Variants in ZEB1 observed in about 807,000 individuals in gnomAD.
ZEB1 encodes zinc finger E-box binding homeobox 1, also known as zinc finger E-box-binding homeobox 1.
A neutral mutation model predicts 84.9 loss-of-function variants in ZEB1; 21 were observed. The ratio of observed to expected loss-of-function variants is 0.25; its 90% CI spans 0.18 to 0.36. The LOEUF (loss-of-function observed/expected upper bound fraction) is 0.36. Ranked by LOEUF, ZEB1 falls within the 10% of genes least tolerant of loss-of-function variation. ZEB1 has a pLI of 1.00. For missense variants in ZEB1, 1,104 were observed against 1,330.2 expected (o/e 0.83, Z 2.65); for synonymous variants, 420 against 471.1 (o/e 0.89, Z 1.41).
At chr10:31,460,958 CTTTT>C (rs1282600761) in intron 1 of ZEB1, 75 bp from the exon 2 acceptor site, 3 of 1,155,514 alleles carry the variant, frequency 2.6e-6, no homozygotes, top group African/African-American at 3.1e-5. Flanking sequence ...TTTTAAGCAT[CTTTT>C]TTATTTTTCT....
At chr10:31,485,373 A>G (rs1161569791) in intron 2 of ZEB1, among the ~76,000 whole-genome samples, 1 of 151,838 alleles carries the variant, frequency 6.6e-6, no homozygotes, top group African/African-American at 2.4e-5. Flanking sequence ...TCACTCCCCA[A>G]AGTCTACTCA....
intron 2 of ZEB1, among the ~76,000 whole-genome samples, chr10:31,476,647 T>A (rs1359762017): frequency 2.0e-5 from 3 of 151,942 alleles, no homozygotes; most frequent in Admixed American, 6.6e-5. Flanking sequence ...AATATAAATG[T>A]AACAATCCTC....
At chr10:31,513,994 A>T (rs1592024068) in intron 5 of ZEB1, among the ~76,000 whole-genome samples, 1 of 152,178 alleles carries the variant, frequency 6.6e-6, no homozygotes. Flanking sequence ...TACATTTGAA[A>T]TATGTGAAAA....
chr10:31,480,997 T>C (rs2138447473), intron 2 of ZEB1, among the ~76,000 whole-genome samples: 1 of 152,212 alleles, frequency 6.6e-6, no homozygotes, highest in East Asian at 1.9e-4. Context: ...CAAAAGGGTG[T>C]ACTCAGGGAA....
chr10:31,504,911 C>A (rs1238074452), intron 4 of ZEB1, among the ~76,000 whole-genome samples: 1 of 152,080 alleles, frequency 6.6e-6, no homozygotes, highest in African/African-American at 2.4e-5. Flanking sequence ...TATTTGACTT[C>A]TTTTCCAAAT....
chr10:31,436,768 A>C (rs947213266), intron 1 of ZEB1, among the ~76,000 whole-genome samples: 1 of 152,148 alleles, frequency 6.6e-6, no homozygotes, highest in Admixed American at 6.5e-5. Flanking sequence ...GACAGGTCAT[A>C]ATTTCTTTAA....
chr10:31,518,113 C>G (rs2071513631), intron 6 of ZEB1, among the ~76,000 whole-genome samples: 1 of 152,108 alleles, frequency 6.6e-6, no homozygotes. Context: ...AAAATGTTAT[C>G]AAGTAATTAA....
intron 4 of ZEB1, among the ~76,000 whole-genome samples, chr10:31,505,655 G>A (rs1032836910): frequency 4.6e-5 from 7 of 151,344 alleles, no homozygotes; most frequent in Admixed American, 6.6e-5. Context: ...TCTTTTCTTA[G>A]TCTAGCTAGT....
intron 1 of ZEB1, among the ~76,000 whole-genome samples, chr10:31,425,493 G>T (rs1225732039): frequency 1.3e-5 from 2 of 151,872 alleles, no homozygotes; most frequent in South Asian, 2.1e-4. Context: ...AGACAACAAA[G>T]GTTAGAGAAA....
chr10:31,458,523 G>T (rs1187324008), intron 1 of ZEB1, among the ~76,000 whole-genome samples: 2 of 151,922 alleles, frequency 1.3e-5, no homozygotes, highest in Admixed American at 1.3e-4. Context: ...TAGTGTGGCT[G>T]TTTTTCCATC....
At position 31,372,347 on chromosome 10, in the gene ZEB1, A is replaced by G. The variant is rs191789549; in HGVS notation, c.58+53055A>G. Among the ~76,000 whole-genome samples the G allele has an allele frequency of 1.3e-3, 205 of 152,206 alleles. 1 individual carries two copies. The highest frequency in any genetic ancestry group is 4.6e-3 in the African/African-American group (191 of 41,564). On this transcript the variant is annotated intron_variant, in intron 1 of 8. Transcript: ENST00000424869. The stretch of plus-strand genomic sequence containing the variant: ...CATTTGGGAATAATTTAATGTGTCT[A>G]ATACTTGAGAAGGATCAAAACAGAC...
intron 1 of ZEB1, chr10:31,372,986 G>A (rs1191943598): frequency 1.9e-5 from 19 of 984,878 alleles, no homozygotes; most frequent in Non-Finnish European, 2.2e-5. Context: ...TGGTGGGTGT[G>A]GGAACAACTT....
rs117734620 is a variant in ZEB1 at position 31,342,502 on chromosome 10, G to A, written c.58+23210G>A. Among the ~76,000 whole-genome samples the A allele has an allele frequency of 1.6e-3, 242 of 152,236 alleles. 4 individuals are homozygous for A. In the East Asian group the frequency reaches 0.039, roughly 24 times the overall value. Reference sequence around the variant, plus strand: ...GTTCAGTGTTATGACAAAGGGTCAAGTCTTAGCAGTGGAGTAAAGGATGTT... The same window carrying A: ...GTTCAGTGTTATGACAAAGGGTCAAATCTTAGCAGTGGAGTAAAGGATGTT... On this transcript the variant is annotated intron_variant, in intron 1 of 8. Coordinates refer to ENST00000424869, the MANE Select transcript of ZEB1 (RefSeq NM_001174096.2).
At chr10:31,518,796 A>G (rs1402672851) in intron 6 of ZEB1, among the ~76,000 whole-genome samples, 2 of 152,124 alleles carry the variant, frequency 1.3e-5, no homozygotes, top group Non-Finnish European at 2.9e-5. Flanking sequence ...GGTGTCAAGA[A>G]TGATATGAAA....
At chr10:31,502,838 C>T (rs2068356000) in intron 4 of ZEB1, among the ~76,000 whole-genome samples, 1 of 152,148 alleles carries the variant, frequency 6.6e-6, no homozygotes, top group South Asian at 2.1e-4. Context: ...TTCTTTCCCA[C>T]CATTCTTTTA....
At chr10:31,494,258 C>T (rs563157671) in intron 2 of ZEB1, among the ~76,000 whole-genome samples, 1 of 151,870 alleles carries the variant, frequency 6.6e-6, no homozygotes, top group Non-Finnish European at 1.5e-5. Context: ...AACACTTTAC[C>T]AAGAATTTTT....
At chr10:31,463,955 C>T (rs553064613) in intron 2 of ZEB1, among the ~76,000 whole-genome samples, 9 of 152,120 alleles carry the variant, frequency 5.9e-5, no homozygotes, top group Admixed American at 2.6e-4. Context: ...ACTAGAGTTA[C>T]GTCATACAGA....
chr10:31,338,707 A>G (rs530945518), intron 1 of ZEB1, among the ~76,000 whole-genome samples: 1 of 152,280 alleles, frequency 6.6e-6, no homozygotes, highest in African/African-American at 2.4e-5. Flanking sequence ...TTGTGTCCGT[A>G]CGTTCATGAG....
At chr10:31,455,097 G>A (rs1202501221) in intron 1 of ZEB1, among the ~76,000 whole-genome samples, 1 of 152,152 alleles carries the variant, frequency 6.6e-6, no homozygotes, top group African/African-American at 2.4e-5. Flanking sequence ...AGAGGCCTCA[G>A]AAATAACACC....
Sources: gnomAD v4.1 joint callset for allele counts (sites outside exome capture counted in the v4.1 genomes callset) on GRCh38, gnomAD v4.1.1 for gene constraint, MANE v1.5 for transcripts, NCBI Gene and HGNC (gene_info 2026-07-23, HGNC 2026-07-21) for gene names.